PACRG: variants seen among roughly 807,000 people sequenced by gnomAD.
PACRG encodes parkin coregulated gene protein.
A neutral mutation model predicts 29.7 loss-of-function variants in PACRG; 29 were observed. The observed-to-expected ratio is 0.98, with a 90% CI of 0.73 to 1.33. The LOEUF (loss-of-function observed/expected upper bound fraction) is 1.33. Among genes scored for constraint, PACRG ranks in the 40% most tolerant of loss-of-function variants. The pLI is 0.00. For synonymous variants in PACRG, 116 were observed against 118.7 expected (o/e 0.98, Z 0.15); for missense variants, 279 against 316.2 (o/e 0.88, Z 0.89).
intron 2 of PACRG, among the ~76,000 whole-genome samples, chr6:162,864,469 C>T (rs1242088434): frequency 2.0e-5 from 3 of 152,014 alleles, no homozygotes; most frequent in Admixed American, 6.6e-5. Flanking sequence ...GGGAGTTTAA[C>T]GATAGGCAAA....
intron 4 of PACRG, among the ~76,000 whole-genome samples, chr6:163,097,148 C>A (rs1814673587): frequency 1.3e-5 from 2 of 152,196 alleles, no homozygotes; most frequent in Non-Finnish European, 2.9e-5. Context: ...AAATCCCAAC[C>A]TCTTTCCACT....
At chr6:162,922,565 C>T (rs1176565623) in intron 2 of PACRG, among the ~76,000 whole-genome samples, 1 of 151,898 alleles carries the variant, frequency 6.6e-6, no homozygotes, top group Non-Finnish European at 1.5e-5. Context: ...CTTATTTCCC[C>T]CCATCCCCAC....
At chr6:163,041,746 G>A (rs1207605587) in intron 2 of PACRG, among the ~76,000 whole-genome samples, 3 of 152,170 alleles carry the variant, frequency 2.0e-5, no homozygotes, top group Non-Finnish European at 2.9e-5. Context: ...ACTCCCAAAC[G>A]AAGACAGAAT....
intron 4 of PACRG, among the ~76,000 whole-genome samples, chr6:163,275,270 TC>T: frequency 6.6e-6 from 1 of 152,338 alleles, no homozygotes; most frequent in Non-Finnish European, 1.5e-5. Context: ...CTATTTTCCA[TC>T]TTTTTCTCCC....
intron 2 of PACRG, among the ~76,000 whole-genome samples, chr6:162,858,792 G>A (rs1182787416): frequency 6.6e-6 from 1 of 152,094 alleles, no homozygotes; most frequent in Non-Finnish European, 1.5e-5. Flanking sequence ...TTCCCTCCTG[G>A]TATAGGGCAG....
intron 2 of PACRG, among the ~76,000 whole-genome samples, chr6:163,001,190 T>C (rs1424953467): frequency 6.6e-6 from 1 of 152,210 alleles, no homozygotes; most frequent in Non-Finnish European, 1.5e-5. Flanking sequence ...AACTGTTCAA[T>C]AACCTATTTG....
chr6:163,163,031 C>A (rs541216979), intron 4 of PACRG, among the ~76,000 whole-genome samples: 1 of 152,186 alleles, frequency 6.6e-6, no homozygotes, highest in African/African-American at 2.4e-5. Context: ...CGTGTCCTAA[C>A]CAAGTTTCGT....
chr6:163,279,445 T>G (rs180865886), intron 4 of PACRG, among the ~76,000 whole-genome samples: 1 of 152,230 alleles, frequency 6.6e-6, no homozygotes, highest in Non-Finnish European at 1.5e-5. Flanking sequence ...ATTTCTAGTA[T>G]CTATCTGTTT....
rs6905997 is a variant in PACRG at position 162,842,758 on chromosome 6, T to A, written c.291+28477T>A. Among the ~76,000 whole-genome samples, 17 of 113,366 alleles carry A rather than the reference T, an allele frequency of 1.5e-4. 1 individual carries two copies. In the Admixed American group the frequency reaches 1.6e-3, roughly 10 times the overall value. 74.4% of individuals were successfully genotyped at this position (113,366 alleles called of 152,430 possible). The stretch of plus-strand genomic sequence containing the variant: ...ACCAGTTGTTCCTTTCCATGTTTAG[T>A]GCTTCCTTCAGGAGCTCTTTTAGGG... On this transcript the variant is annotated intron_variant, in intron 2 of 4. Coordinates refer to ENST00000366888, the MANE Select transcript of PACRG (RefSeq NM_001080379.2).
intron 2 of PACRG, among the ~76,000 whole-genome samples, chr6:162,845,923 G>A (rs1386250520): frequency 6.6e-6 from 1 of 152,162 alleles, no homozygotes; most frequent in Admixed American, 6.5e-5. Context: ...GAGAGTTGCT[G>A]TGTTTAACAT....
chr6:162,953,273 T>A (rs1222527188), intron 2 of PACRG, among the ~76,000 whole-genome samples: 1 of 152,178 alleles, frequency 6.6e-6, no homozygotes, highest in Non-Finnish European at 1.5e-5. Flanking sequence ...GCTTTAGCAA[T>A]CTGTATTATT....
intron 4 of PACRG, chr6:163,183,093 A>T (rs1779749959): frequency 6.6e-6 from 1 of 152,210 alleles, no homozygotes; most frequent in Admixed American, 6.5e-5. Flanking sequence ...ATGAATGAGG[A>T]CGGAGGGTGT....
chr6:163,100,695 C>T, intron 4 of PACRG: 1 of 775,578 alleles, frequency 1.3e-6, no homozygotes, highest in Non-Finnish European at 1.6e-6. Context: ...AGAAATGTTC[C>T]TCTTAGTATG....
At chr6:163,050,231 C>G (rs1454648464) in intron 2 of PACRG, among the ~76,000 whole-genome samples, 3 of 151,986 alleles carry the variant, frequency 2.0e-5, no homozygotes. Flanking sequence ...CTTCTCTATT[C>G]TCTTGAAAGT....
chr6:162,787,925 G>A (rs1375839618), intron 1 of PACRG, among the ~76,000 whole-genome samples: 1 of 151,800 alleles, frequency 6.6e-6, no homozygotes, highest in Non-Finnish European at 1.5e-5. Flanking sequence ...GCAGTTTCAG[G>A]TTCACAGCAA....
intron 2 of PACRG, among the ~76,000 whole-genome samples, chr6:162,989,153 A>G (rs4379267): frequency 0.38 from 57,916 of 151,726 alleles, 11,397 homozygotes; most frequent in East Asian, 0.68. Flanking sequence ...TTGTTCTCAT[A>G]GACATAAGCA....
Position 163,197,228 on chromosome 6 carries a change from C to T in PACRG, c.613+107820C>T, listed in dbSNP as rs931241355. On this transcript the variant is annotated intron_variant, in intron 4 of 4. Coordinates refer to ENST00000366888, the MANE Select transcript of PACRG (RefSeq NM_001080379.2). ...TTGAATACAGTCATAACTGGTTCTCCGTTAGTAGTAATCACAGCTCATCTC... is the reference window on the plus strand; with the variant it reads ...TTGAATACAGTCATAACTGGTTCTCTGTTAGTAGTAATCACAGCTCATCTC... 2.8e-4 allele frequency among the ~76,000 whole-genome samples: 42 copies of T among 152,086 alleles called. 2 individuals carry two copies. Among genetic ancestry groups the T allele is most frequent in the African/African-American group, 9.2e-4 (38 of 41,492 alleles).
intron 4 of PACRG, among the ~76,000 whole-genome samples, chr6:163,129,748 C>T (rs1816659562): frequency 6.6e-6 from 1 of 152,220 alleles, no homozygotes; most frequent in South Asian, 2.1e-4. Flanking sequence ...TCCAACCTCA[C>T]ACTCAGTTTC....
At chr6:163,033,961 C>T (rs978626700) in intron 2 of PACRG, among the ~76,000 whole-genome samples, 5 of 152,196 alleles carry the variant, frequency 3.3e-5, no homozygotes, top group African/African-American at 1.2e-4. Flanking sequence ...ACATAAAGCA[C>T]ACCAGATTGG....
Sources: gnomAD v4.1 joint callset for allele counts (sites outside exome capture counted in the v4.1 genomes callset) on GRCh38, gnomAD v4.1.1 for gene constraint, MANE v1.5 for transcripts, NCBI Gene and HGNC (gene_info 2026-07-23, HGNC 2026-07-21) for gene names.